The following TTI1 variants were observed in gnomAD, a reference collection of about 807,000 sequenced individuals.
TTI1 encodes the protein TELO2-interacting protein 1 homolog.
TTI1 carries 52 observed loss-of-function variants against 85.4 expected under a neutral mutation model. The observed-to-expected ratio is 0.61, with a 90% CI of 0.49 to 0.77. The LOEUF (loss-of-function observed/expected upper bound fraction) is 0.77, where lower values mean the gene tolerates loss of function less well. TTI1 is among the 30% of genes least tolerant of loss of function. The pLI, the probability that TTI1 is intolerant of heterozygous loss-of-function variation, is 0.00. For missense variants in TTI1, 1,173 were observed against 1,296.0 expected (o/e 0.91, Z 1.46); for synonymous variants, 512 against 503.9 (o/e 1.02, Z -0.22).
chr20:38,007,474 G>C (rs1197248300), intron 2 of TTI1, among the ~76,000 whole-genome samples: 1 of 152,152 alleles, frequency 6.6e-6, no homozygotes, highest in Non-Finnish European at 1.5e-5. Context: ...TGGGCTACAG[G>C]CATGGGTTCC....
chr20:38,012,760 T>C lies in TTI1; in HGVS notation c.1057A>G (p.Lys353Glu), dbSNP rs757875325. 1.9e-6 allele frequency: 3 copies of C among 1,614,042 alleles called. No individual in the cohort carries two copies. Among genetic ancestry groups the C allele is most frequent in the Admixed American group, 1.7e-5 (1 of 60,006 alleles). ...ESPEIQAQCN[K>E]VLRHFADQKV... Reference sequence around the variant, plus strand: ...TGATCTGCAAAATGTCTCAGAACTTTATTGCACTGGGCTTGGATTTCAGGA... The same window carrying C: ...TGATCTGCAAAATGTCTCAGAACTTCATTGCACTGGGCTTGGATTTCAGGA... Residue 353 changes from lysine (K) to glutamate (E), a missense_variant, in exon 2 of 8, where the codon AAA (lysine) becomes GAA (glutamate). Physicochemically the swap from Lys to Glu is moderately conservative, Grantham distance 56 (BLOSUM62 1). Transcript: ENST00000373447.
chr20:37,995,819 C>T (rs1474903637), intron 7 of TTI1, among the ~76,000 whole-genome samples: 1 of 152,184 alleles, frequency 6.6e-6, no homozygotes, highest in Admixed American at 6.5e-5. Context: ...GCCCTTTAAG[C>T]CATTAGTCTG....
chr20:37,996,926 C>T lies in TTI1; in HGVS notation c.2821G>A (p.Gly941Ser). 6.2e-7 allele frequency: 1 copy of T among 1,614,088 alleles called. No individual in the cohort carries two copies. The highest frequency in any genetic ancestry group is 8.5e-7 in the Non-Finnish European group (1 of 1,180,016). The change falls in exon 6 of 8, where the codon GGT becomes AGT. Residue 941 changes from glycine (G) to serine (S), a missense_variant. Transcript: ENST00000373447. ...CAGAACCGGCTGCGAAGAAAGTCAC[C>T]ACACTTGCTTCCCAGGGTACGTAAA... is the stretch of plus-strand genomic sequence containing the variant. ...KVLRTLGSKC[G>S]DFLRSRFCKD...
intron 1 of TTI1, among the ~76,000 whole-genome samples, chr20:38,019,314 T>A: frequency 6.6e-6 from 1 of 151,994 alleles, no homozygotes; most frequent in Non-Finnish European, 1.5e-5. Context: ...TAGGTAAATA[T>A]AAAAAAATTA....
intron 6 of TTI1, 22 bp downstream of exon 6, chr20:37,996,727 G>T (rs1379557233): frequency 6.3e-7 from 1 of 1,589,060 alleles, no homozygotes; most frequent in Non-Finnish European, 8.6e-7. Context: ...TGTGTGTTCA[G>T]GTGGAACTGC....
At chr20:38,023,672 G>A (rs1333961786) in intron 1 of TTI1, among the ~76,000 whole-genome samples, 2 of 152,224 alleles carry the variant, frequency 1.3e-5, no homozygotes, top group African/African-American at 4.8e-5. Context: ...ATCTGCTGCT[G>A]TCTGCCAAGC....
At chr20:37,984,113 C>T (rs879377919) in intron 7 of TTI1, among the ~76,000 whole-genome samples, 13 of 152,170 alleles carry the variant, frequency 8.5e-5, no homozygotes, top group Non-Finnish European at 1.5e-4. Context: ...TCCTCCAGCA[C>T]GCTGCTGAAG....
chr20:37,989,684 C>T (rs1047496744), intron 7 of TTI1, among the ~76,000 whole-genome samples: 4 of 152,244 alleles, frequency 2.6e-5, no homozygotes, highest in Admixed American at 1.3e-4. Flanking sequence ...CAGCTGGCTG[C>T]ACTCTCGGGC....
chr20:38,013,030 C>A lies in TTI1; in HGVS notation c.787G>T (p.Ala263Ser), dbSNP rs1351345566. 5 of 1,614,102 alleles carry A rather than the reference C, an allele frequency of 3.1e-6. No individual in the cohort carries two copies. The highest frequency in any genetic ancestry group is 2.2e-5 in the South Asian group (2 of 91,088). The change falls in exon 2 of 8, where the codon GCA becomes TCA. Residue 263 changes from alanine to serine, a missense_variant. Ala to Ser is a moderately conservative substitution (Grantham distance 99, BLOSUM62 1). Transcript: ENST00000373447. ...KRISKVQAKPAVEHRVAELMV... is the reference protein window; with the variant it reads ...KRISKVQAKPSVEHRVAELMV... ...AGCTCTGCTACTCTGTGCTCAACTG[C>A]AGGTTTTGCTTGGACCTTTGAGATT...
In TTI1 at chr20:38,012,447, T is replaced by C. The variant is rs1296860256; in HGVS notation, c.1370A>G (p.Asn457Ser). The change falls in exon 2 of 8, where the codon AAT (asparagine) becomes AGT (serine). Residue 457 changes from asparagine (N) to serine (S), a missense_variant. Physicochemically the swap from Asn to Ser is conservative, Grantham distance 46. Coordinates refer to ENST00000373447, the MANE Select transcript of TTI1 (RefSeq NM_001303457.2). ...EERRWNSDDL[N>S]ASPKTSATQP... ...TGTGGCTGAGGTCTTTGGAGAAGCATTCAGATCATCAGAGTTCCAACGCCG... is the reference window on the plus strand; with the variant it reads ...TGTGGCTGAGGTCTTTGGAGAAGCACTCAGATCATCAGAGTTCCAACGCCG... The C allele has an allele frequency of 6.2e-7, 1 of 1,614,198 alleles. No homozygotes were observed. Among genetic ancestry groups the C allele is most frequent in the East Asian group, 2.2e-5 (1 of 44,888 alleles).
intron 3 of TTI1, among the ~76,000 whole-genome samples, chr20:38,004,499 C>T (rs2073470365): frequency 6.6e-6 from 1 of 152,174 alleles, no homozygotes; most frequent in African/African-American, 2.4e-5. Context: ...AAAGGGACCT[C>T]AGATATACAA....
In TTI1 at chr20:38,013,089, A is replaced by AC. The variant is rs1309953244; in HGVS notation, c.727dup (p.Val243GlyfsTer7). 1 of 1,614,212 alleles carries AC rather than the reference A, an allele frequency of 6.2e-7. No individual in the cohort carries two copies. The highest frequency in any genetic ancestry group is 8.5e-7 in the Non-Finnish European group (1 of 1,180,038). ...CTGTTCATCAGCCATAATGAAGCTC[A>AC]CTGTCTTGTAAAAGATCTTTAGGGA... is the stretch of plus-strand genomic sequence containing the variant. On this transcript the variant is annotated frameshift_variant, in exon 2 of 8. Transcript: ENST00000373447. LOFTEE classifies it high-confidence loss of function.
chr20:38,010,975 C>A (rs540174106), intron 2 of TTI1, among the ~76,000 whole-genome samples: 2 of 152,174 alleles, frequency 1.3e-5, no homozygotes, highest in Non-Finnish European at 2.9e-5. Context: ...CTCAGGTGCA[C>A]GAACCACATG....
intron 7 of TTI1, among the ~76,000 whole-genome samples, chr20:37,994,886 G>C (rs1182969634): frequency 6.6e-6 from 1 of 152,208 alleles, no homozygotes; most frequent in Non-Finnish European, 1.5e-5. Flanking sequence ...GAAATGAAAA[G>C]ATAATGAATT....
Position 37,999,182 on chromosome 20 carries a change from C to T in TTI1, c.2793+6G>A. 1.4e-6 allele frequency: 2 copies of T among 1,417,276 alleles called. No homozygotes were observed. Among genetic ancestry groups the T allele is most frequent in the Non-Finnish European group, 1.9e-6 (2 of 1,076,830 alleles). The allele number at this position is 1,417,276 out of a possible 1,614,324, so 87.8% of individuals were successfully genotyped here. A position where few individuals can be genotyped will look rare whatever the true frequency, so the allele number is the denominator to read the frequency against. ...CAACAGACCATGGGGGATGCTGGTGCAGTACCTTGAAGGCTCTAAGCACTG... is the reference window on the plus strand; with the variant it reads ...CAACAGACCATGGGGGATGCTGGTGTAGTACCTTGAAGGCTCTAAGCACTG... On this transcript the variant is annotated splice_donor_region_variant and intron_variant, in intron 5 of 7. Coordinates refer to ENST00000373447, the MANE Select transcript of TTI1 (RefSeq NM_001303457.2).
chr20:37,999,437 G>A (rs1387608750), intron 4 of TTI1, 109 bp from the exon 5 acceptor site: 1 of 1,187,692 alleles, frequency 8.4e-7, no homozygotes, highest in Non-Finnish European at 1.1e-6. Context: ...TTGGATAATT[G>A]TTTTCTGAGT....
chr20:37,986,565 G>A (rs538211001), intron 7 of TTI1, among the ~76,000 whole-genome samples: 26 of 152,328 alleles, frequency 1.7e-4, no homozygotes, highest in Non-Finnish European at 3.5e-4. Flanking sequence ...AGGAATGCAC[G>A]TTCCTTCTCC....
chr20:37,992,557 G>A (rs2073280119), intron 7 of TTI1, among the ~76,000 whole-genome samples: 1 of 152,170 alleles, frequency 6.6e-6, no homozygotes, highest in Non-Finnish European at 1.5e-5. Flanking sequence ...GATTACAAGC[G>A]TGAGCCACAG....
At chr20:37,985,531 T>C (rs2073179291) in intron 7 of TTI1, among the ~76,000 whole-genome samples, 1 of 146,030 alleles carries the variant, frequency 6.8e-6, no homozygotes, top group Admixed American at 6.8e-5. Flanking sequence ...GGCACTGAAT[T>C]TTTTTTTTTT....
Sources: allele counts gnomAD v4.1 joint callset (sites outside exome capture counted in the v4.1 genomes callset), GRCh38; gene constraint gnomAD v4.1.1; transcripts MANE v1.5; gene names NCBI Gene and HGNC (gene_info 2026-07-23, HGNC 2026-07-21).